Variants in DENND1A observed in about 807,000 individuals in gnomAD.
The protein encoded by DENND1A is DENN domain-containing protein 1A.
A neutral mutation model predicts 113.7 loss-of-function variants in DENND1A; 51 were observed. That is an observed-to-expected ratio of 0.45 (90% confidence interval 0.36 to 0.57). The LOEUF (loss-of-function observed/expected upper bound fraction) is 0.57, where lower values mean the gene tolerates loss of function less well. Ranked by LOEUF, DENND1A falls within the 20% of genes least tolerant of loss-of-function variation. DENND1A has a pLI of 0.00. For missense variants in DENND1A, 1,258 were observed against 1,395.9 expected (o/e 0.90, Z 1.57); for synonymous variants, 565 against 570.8 (o/e 0.99, Z 0.14).
intron 21 of DENND1A, chr9:123,402,600 T>C (rs1564423446): frequency 1.9e-6 from 1 of 534,790 alleles, no homozygotes; most frequent in Non-Finnish European, 3.8e-6. Flanking sequence ...GACGAACTCA[T>C]GCACTTTTTC....
intron 21 of DENND1A, among the ~76,000 whole-genome samples, chr9:123,396,587 C>A (rs911236668): frequency 1.3e-5 from 2 of 152,186 alleles, no homozygotes; most frequent in African/African-American, 4.8e-5. Context: ...GGGCTTCGGG[C>A]GGGGTTTTCT....
intron 13 of DENND1A, among the ~76,000 whole-genome samples, chr9:123,549,937 GA>G (rs2056939598): frequency 6.6e-6 from 1 of 152,096 alleles, no homozygotes; most frequent in African/African-American, 2.4e-5. Context: ...AAACAAATCC[GA>G]AAACAGTTTT....
At chr9:123,500,646 T>C (rs146785542) in intron 13 of DENND1A, among the ~76,000 whole-genome samples, 2 of 152,350 alleles carry the variant, frequency 1.3e-5, no homozygotes, top group Non-Finnish European at 2.9e-5. Flanking sequence ...CTGAGAGTTC[T>C]CCGCACGCCT....
intron 2 of DENND1A, among the ~76,000 whole-genome samples, chr9:123,838,338 A>AT (rs1326025170): frequency 7.2e-5 from 11 of 152,202 alleles, no homozygotes; most frequent in African/African-American, 2.7e-4. Flanking sequence ...GTATATATGT[A>AT]TATGTCTGTG....
At chr9:123,591,407 G>A (rs1288877359) in intron 11 of DENND1A, among the ~76,000 whole-genome samples, 1 of 152,234 alleles carries the variant, frequency 6.6e-6, no homozygotes, top group African/African-American at 2.4e-5. Flanking sequence ...AGAGTGGCCA[G>A]GAGCATGCAG....
chr9:123,699,479 C>A (rs959857666), intron 5 of DENND1A, among the ~76,000 whole-genome samples: 2 of 151,720 alleles, frequency 1.3e-5, no homozygotes, highest in East Asian at 1.9e-4. Context: ...TATTTTCGAC[C>A]TCTCCCTCAA....
chr9:123,779,873 T>C (rs1390788570), intron 3 of DENND1A, among the ~76,000 whole-genome samples: 1 of 87,896 alleles, frequency 1.1e-5, no homozygotes, highest in Non-Finnish European at 2.0e-5. Flanking sequence ...TGCATGAGAC[T>C]TTTTTTTGAG....
chr9:123,846,281 G>T (rs1842609650), intron 2 of DENND1A, among the ~76,000 whole-genome samples: 1 of 152,164 alleles, frequency 6.6e-6, no homozygotes, highest in African/African-American at 2.4e-5. Context: ...AAAACAGCTT[G>T]GCAGTTACTC....
intron 2 of DENND1A, among the ~76,000 whole-genome samples, chr9:123,801,117 G>A (rs760130522): frequency 1.3e-4 from 20 of 152,202 alleles, no homozygotes; most frequent in Non-Finnish European, 1.9e-4. Flanking sequence ...TGTACCATTA[G>A]AGAAGCAGTG....
chr9:123,477,644 T>C (rs1295866201), intron 13 of DENND1A, among the ~76,000 whole-genome samples: 2 of 151,850 alleles, frequency 1.3e-5, no homozygotes, highest in Non-Finnish European at 2.9e-5. Context: ...CATGCTGGGC[T>C]TAATACCTAG....
At chr9:123,471,329 G>A (rs1406638794) in intron 13 of DENND1A, among the ~76,000 whole-genome samples, 1 of 152,162 alleles carries the variant, frequency 6.6e-6, no homozygotes, top group Admixed American at 6.5e-5. Context: ...ACTTCACAGG[G>A]CTGTGTGGGG....
chr9:123,917,233 G>C (rs1239513167), intron 1 of DENND1A, among the ~76,000 whole-genome samples: 4 of 152,046 alleles, frequency 2.6e-5, no homozygotes, highest in African/African-American at 7.2e-5. Context: ...TATTGAGTTG[G>C]AGACACAACC....
At chr9:123,677,231 C>T (rs1177165952) in intron 5 of DENND1A, among the ~76,000 whole-genome samples, 2 of 152,138 alleles carry the variant, frequency 1.3e-5, no homozygotes, top group Non-Finnish European at 2.9e-5. Flanking sequence ...GGTCCCAATG[C>T]CCCCATGAGC....
chr9:123,457,695 G>A, intron 14 of DENND1A, 98 bp downstream of exon 14: 1 of 1,200,056 alleles, frequency 8.3e-7, no homozygotes. Flanking sequence ...TGGGGCCTGA[G>A]TCCCATCCAT....
intron 9 of DENND1A, among the ~76,000 whole-genome samples, chr9:123,645,166 A>G (rs371940079): frequency 2.0e-5 from 3 of 152,162 alleles, no homozygotes; most frequent in Admixed American, 6.5e-5. Context: ...CCCGAAATGC[A>G]TATTACCTGC....
chr9:123,428,041 C>T (rs1196946767), intron 19 of DENND1A, among the ~76,000 whole-genome samples: 24 of 152,194 alleles, frequency 1.6e-4, no homozygotes, highest in Non-Finnish European at 3.5e-4. Context: ...CAGTGGCTCA[C>T]GCCTGTAATC....
intron 21 of DENND1A, among the ~76,000 whole-genome samples, chr9:123,398,916 T>TC (rs1338830869): frequency 6.6e-6 from 1 of 151,472 alleles, no homozygotes; most frequent in Non-Finnish European, 1.5e-5. Flanking sequence ...TGCCTCAGCC[T>TC]CCCTAGTAAC....
intron 21 of DENND1A, chr9:123,401,178 C>G (rs2043432684): frequency 6.5e-6 from 1 of 153,386 alleles, no homozygotes; most frequent in Non-Finnish European, 1.5e-5. Flanking sequence ...TCTTCCCCCT[C>G]CCCCGAACAA....
intron 5 of DENND1A, among the ~76,000 whole-genome samples, chr9:123,743,469 C>T (rs1040259269): frequency 4.6e-5 from 7 of 151,848 alleles, no homozygotes; most frequent in Non-Finnish European, 8.8e-5. Context: ...CGGTGGCTCA[C>T]TCCTGTAATC....
Sources: gnomAD v4.1 joint callset for allele counts (sites outside exome capture counted in the v4.1 genomes callset) on GRCh38, gnomAD v4.1.1 for gene constraint, MANE v1.5 for transcripts, NCBI Gene and HGNC (gene_info 2026-07-23, HGNC 2026-07-21) for gene names.